SLC16A12: variants seen among roughly 807,000 people sequenced by gnomAD.
The protein encoded by SLC16A12 is monocarboxylate transporter 12.
Under a neutral mutation model 42.4 loss-of-function variants are expected in SLC16A12, and 17 were observed. The observed-to-expected ratio is 0.40, with a 90% CI of 0.27 to 0.60. The LOEUF (loss-of-function observed/expected upper bound fraction) is 0.60. Among genes scored for constraint, SLC16A12 ranks in the 20% least tolerant of loss-of-function variants. SLC16A12 has a pLI of 0.42. For missense variants in SLC16A12, 544 were observed against 623.0 expected, an observed-to-expected ratio of 0.87 and a Z score of 1.35; for synonymous variants, 224 against 229.4, an observed-to-expected ratio of 0.98 and a Z score of 0.21.
intron 2 of SLC16A12, among the ~76,000 whole-genome samples, chr10:89,507,792 T>C (rs1564593524): frequency 6.6e-6 from 1 of 152,124 alleles, no homozygotes; most frequent in East Asian, 1.9e-4. Flanking sequence ...GGCAATTGGA[T>C]AAAGAGTCAA....
intron 2 of SLC16A12, among the ~76,000 whole-genome samples, chr10:89,502,459 C>CA (rs1226045460): frequency 2.6e-5 from 4 of 151,658 alleles, no homozygotes; most frequent in Admixed American, 6.6e-5. Flanking sequence ...AAACAAAAAA[C>CA]AAAAAAACAA....
chr10:89,545,100 T>C (rs1843735429), intron 2 of SLC16A12, among the ~76,000 whole-genome samples: 1 of 152,116 alleles, frequency 6.6e-6, no homozygotes, highest in African/African-American at 2.4e-5. Context: ...GAGAGGACAT[T>C]TGGGGCCAAC....
At chr10:89,532,158 T>A (rs1434382158) in intron 2 of SLC16A12, among the ~76,000 whole-genome samples, 1 of 152,238 alleles carries the variant, frequency 6.6e-6, no homozygotes, top group Admixed American at 6.5e-5. Flanking sequence ...AATAAATGAA[T>A]GAGCACACTA....
chr10:89,490,257 C>T (rs1001008955), intron 2 of SLC16A12, among the ~76,000 whole-genome samples: 13 of 152,298 alleles, frequency 8.5e-5, no homozygotes, highest in African/African-American at 2.2e-4. Flanking sequence ...GAGGTCATGT[C>T]GGTTTATATG....
chr10:89,485,073 G>GAGC (rs1842725390), intron 2 of SLC16A12, among the ~76,000 whole-genome samples: 1 of 152,202 alleles, frequency 6.6e-6, no homozygotes, highest in Non-Finnish European at 1.5e-5. Flanking sequence ...CCTGTATATA[G>GAGC]AGCAGCCGAG....
At position 89,462,513 on chromosome 10, in the gene SLC16A12, AG is replaced by A; in HGVS notation, c.65del (p.Pro22LeufsTer13). The part of the protein sequence containing the change: ...SKIITWLLEQ[P>X]GKEEKRKTMA... Reference sequence around the variant, plus strand: ...TGGTTTTTCTTTTTTCTTCTTTTCCAGGTTGCTCCAACAGCCAAGTTATGAT... The same window carrying A: ...TGGTTTTTCTTTTTTCTTCTTTTCCAGTTGCTCCAACAGCCAAGTTATGAT... On this transcript the variant is annotated frameshift_variant, in exon 3 of 8. Transcript: ENST00000371790. LOFTEE classifies it high-confidence loss of function. 1 of 1,613,730 alleles carries A rather than the reference AG, an allele frequency of 6.2e-7. No individual in the cohort carries two copies. Among genetic ancestry groups the A allele is most frequent in the Non-Finnish European group, 8.5e-7 (1 of 1,179,914 alleles).
chr10:89,462,606 C>A lies in SLC16A12; in HGVS notation c.-28G>T, dbSNP rs751604717. On this transcript the variant is annotated 5_prime_UTR_variant, in exon 3 of 8. Coordinates refer to ENST00000371790, the MANE Select transcript of SLC16A12 (RefSeq NM_213606.4). ...AAGGTTGGCATAGAACGCTACCTGG[C>A]CCATGGGTTACTCGCCATCTAAAAC... is the stretch of plus-strand genomic sequence containing the variant. 6 of 1,574,088 alleles carry A rather than the reference C, an allele frequency of 3.8e-6. No homozygotes were observed. The highest frequency in any genetic ancestry group is 4.3e-6 in the Non-Finnish European group (5 of 1,165,208).
rs139316703 is a variant in SLC16A12 at position 89,545,252 on chromosome 10, T to C, written c.-47+10630A>G. Among the ~76,000 whole-genome samples the C allele has an allele frequency of 1.1e-3, 172 of 152,272 alleles. 1 individual carries two copies. Among genetic ancestry groups the C allele is most frequent in the South Asian group, 4.4e-3 (21 of 4,822 alleles). On this transcript the variant is annotated intron_variant, in intron 2 of 2. Coordinates refer to the SLC16A12 transcript ENST00000475682. ...TTACACACTCATGCACAAACAAAAA[T>C]GTTTATCATCATAGCCACTGAGGTA...
At chr10:89,551,460 A>T (rs1160445056) in intron 2 of SLC16A12, among the ~76,000 whole-genome samples, 4 of 152,154 alleles carry the variant, frequency 2.6e-5, no homozygotes. Context: ...ATAAATAAAT[A>T]AAAAGTCCCA....
chr10:89,531,215 T>G (rs1231417824), intron 2 of SLC16A12, among the ~76,000 whole-genome samples: 5 of 150,298 alleles, frequency 3.3e-5, no homozygotes, highest in Non-Finnish European at 7.4e-5. Context: ...CATGGTGATA[T>G]CCTGTCTCTA....
intron 2 of SLC16A12, among the ~76,000 whole-genome samples, chr10:89,496,271 A>G (rs932212114): frequency 3.0e-4 from 45 of 152,182 alleles, no homozygotes; most frequent in African/African-American, 9.4e-4. Context: ...AACATAATGC[A>G]TAAATAAAAC....
chr10:89,487,809 CAA>C (rs71022569), intron 2 of SLC16A12, among the ~76,000 whole-genome samples: 6 of 84,744 alleles, frequency 7.1e-5, no homozygotes, highest in South Asian at 5.6e-4. Context: ...GATTCTGTCT[CAA>C]AAAAAAAAAA....
At chr10:89,499,815 T>C (rs2133819844) in intron 2 of SLC16A12, among the ~76,000 whole-genome samples, 1 of 151,532 alleles carries the variant, frequency 6.6e-6, no homozygotes, top group South Asian at 2.1e-4. Context: ...CAGAACTAAA[T>C]GAAATTGAAA....
intron 2 of SLC16A12, among the ~76,000 whole-genome samples, chr10:89,467,855 C>G (rs1045609083): frequency 1.3e-5 from 2 of 152,144 alleles, no homozygotes; most frequent in African/African-American, 4.8e-5. Flanking sequence ...AAATAACTAT[C>G]ATTTATTGAT....
chr10:89,540,913 CTT>C lies in SLC16A12; in HGVS notation c.-47+14967_-47+14968del, dbSNP rs974805472. ...TTACCAAGACAAACTAAGCAAATTTCTTTTTTTTTTTTCCCTTTTTTTTTTTG... is the reference window on the plus strand; with the variant it reads ...TTACCAAGACAAACTAAGCAAATTTCTTTTTTTTTTCCCTTTTTTTTTTTG... On this transcript the variant is annotated intron_variant, in intron 2 of 2. Transcript: ENST00000475682. 2.5e-4 allele frequency among the ~76,000 whole-genome samples: 35 copies of C among 142,390 alleles called. 2 individuals are homozygous for C. The East Asian group carries it at 6.9e-3, about 28-fold the overall frequency. The allele number at this position is 142,390 out of a possible 152,430, so 93.4% of individuals were successfully genotyped here. A position where few individuals can be genotyped will look rare whatever the true frequency, so the allele number is the denominator to read the frequency against.
At chr10:89,449,295 G>T (rs187140197) in intron 3 of SLC16A12, among the ~76,000 whole-genome samples, 78 of 152,212 alleles carry the variant, frequency 5.1e-4, no homozygotes, top group African/African-American at 1.7e-3. Context: ...TGCCTGCATT[G>T]CCAAGACAAT....
rs75649089 is a variant in SLC16A12 at position 89,544,734 on chromosome 10, G to T, written c.-47+11148C>A. On this transcript the variant is annotated intron_variant, in intron 2 of 2. Coordinates refer to the SLC16A12 transcript ENST00000475682. The stretch of plus-strand genomic sequence containing the variant: ...TACCTGTTTCCAATTGAGAAAAAAT[G>T]GCTCAGAGTGGTTAAGTGAATTGCC... 3.1e-3 allele frequency among the ~76,000 whole-genome samples: 478 copies of T among 152,216 alleles called. 1 individual carries two copies. Among genetic ancestry groups the T allele is most frequent in the Non-Finnish European group, 3.6e-3 (242 of 67,998 alleles).
At chr10:89,520,720 CAAAAA>C (rs10712043) in intron 2 of SLC16A12, among the ~76,000 whole-genome samples, 58 of 100,106 alleles carry the variant, frequency 5.8e-4, no homozygotes, top group African/African-American at 2.1e-3. Flanking sequence ...TCACATAGGC[CAAAAA>C]AAAAAAAAAA....
rs187881314 is a variant in SLC16A12 at position 89,500,062 on chromosome 10, T to C, written c.-47+34439A>G. Among the ~76,000 whole-genome samples, 70 of 152,188 alleles carry C rather than the reference T, an allele frequency of 4.6e-4. 1 individual carries two copies. Among genetic ancestry groups the C allele is most frequent in the Admixed American group, 2.4e-3 (36 of 15,270 alleles). ...AGAAAACCTAGAGGAGATGGATAAA[T>C]TCCTGGAAAGATACAACCTCCTAGC... On this transcript the variant is annotated intron_variant, in intron 2 of 7. Coordinates refer to ENST00000371790, the MANE Select transcript of SLC16A12 (RefSeq NM_213606.4).
Sources: allele counts gnomAD v4.1 joint callset (sites outside exome capture counted in the v4.1 genomes callset), GRCh38; gene constraint gnomAD v4.1.1; transcripts MANE v1.5; gene names NCBI Gene and HGNC (gene_info 2026-07-23, HGNC 2026-07-21).